Variants in NRG4 observed in about 807,000 individuals in gnomAD.
NRG4 encodes the protein pro-neuregulin-4, membrane-bound isoform.
In NRG4, 10 loss-of-function variants were observed where a neutral mutation model predicts 15.0. That is an observed-to-expected ratio of 0.67 (90% confidence interval 0.41 to 1.13). NRG4 has a LOEUF of 1.13. Among genes scored for constraint, NRG4 ranks in the 50% most tolerant of loss-of-function variants. The probability of loss-of-function intolerance (pLI) is 0.00; values close to 1 mark genes in which losing one functional copy is unlikely to be tolerated. For missense variants in NRG4, 139 were observed against 140.2 expected (o/e 0.99, Z 0.04); for synonymous variants, 41 against 50.1 (o/e 0.82, Z 0.77).
chr15:76,013,135 G>C (rs1487326173), upstream of NRG4, among the ~76,000 whole-genome samples: 1 of 152,146 alleles, frequency 6.6e-6, no homozygotes, highest in East Asian at 1.9e-4. Context: ...ATTATTACTT[G>C]ACTGATGTAA....
intron 3 of NRG4, among the ~76,000 whole-genome samples, chr15:75,999,607 C>T (rs1001373773): frequency 6.6e-6 from 1 of 152,132 alleles, no homozygotes; most frequent in Non-Finnish European, 1.5e-5. Context: ...TCCCAGCCTT[C>T]AGAACTGTCA....
At chr15:75,963,125 A>G (rs1359174335) in intron 3 of NRG4, among the ~76,000 whole-genome samples, 4 of 152,232 alleles carry the variant, frequency 2.6e-5, no homozygotes, top group African/African-American at 9.6e-5. Flanking sequence ...ATCAAGATAT[A>G]GCACAAAGGA....
At chr15:76,016,122 G>T (rs972104270), upstream of NRG4, among the ~76,000 whole-genome samples, 6 of 152,178 alleles carry the variant, frequency 3.9e-5, no homozygotes, top group African/African-American at 1.2e-4. Flanking sequence ...AGATTTTCTA[G>T]TTTATTTGCA....
chr15:76,001,368 A>T (rs145524982), intron 3 of NRG4, among the ~76,000 whole-genome samples: 1 of 152,204 alleles, frequency 6.6e-6, no homozygotes, highest in African/African-American at 2.4e-5. Context: ...TTTCACTTCA[A>T]TATATCCAAA....
At chr15:76,015,823 T>C (rs2034957770), upstream of NRG4, among the ~76,000 whole-genome samples, 2 of 152,252 alleles carry the variant, frequency 1.3e-5, no homozygotes, top group Admixed American at 6.5e-5. Context: ...TTGTTGTATC[T>C]CTGCCAGGCT....
intron 3 of NRG4, among the ~76,000 whole-genome samples, chr15:75,990,305 C>G: frequency 6.6e-6 from 1 of 152,146 alleles, no homozygotes; most frequent in East Asian, 1.9e-4. Context: ...CCTCCCTGAC[C>G]TCTGATCTCT....
intron 4 of NRG4, among the ~76,000 whole-genome samples, chr15:76,039,873 C>T (rs749299838): frequency 1.3e-4 from 20 of 152,084 alleles, no homozygotes; most frequent in Non-Finnish European, 2.9e-4. Flanking sequence ...CATGGCGAAA[C>T]CCTGTCCCAA....
chr15:75,974,842 T>C (rs2033291740), intron 3 of NRG4, among the ~76,000 whole-genome samples: 1 of 152,218 alleles, frequency 6.6e-6, no homozygotes, highest in African/African-American at 2.4e-5. Flanking sequence ...TGATTTGGGA[T>C]GAAGAGTTCT....
At chr15:76,004,896 C>G (rs1567105153) in intron 3 of NRG4, among the ~76,000 whole-genome samples, 1 of 152,076 alleles carries the variant, frequency 6.6e-6, no homozygotes, top group Non-Finnish European at 1.5e-5. Flanking sequence ...GGGCACCAAC[C>G]CCCATGCAGT....
At chr15:76,045,011 C>T (rs1170720541) in intron 4 of NRG4, among the ~76,000 whole-genome samples, 2 of 150,546 alleles carry the variant, frequency 1.3e-5, no homozygotes, top group Non-Finnish European at 2.9e-5. Flanking sequence ...AAACAACCCA[C>T]AGAATGGAGA....
intron 3 of NRG4, among the ~76,000 whole-genome samples, chr15:75,995,520 G>C (rs368929556): frequency 1.1e-3 from 169 of 151,862 alleles, no homozygotes; most frequent in African/African-American, 3.9e-3. Flanking sequence ...AGGCCCCCCC[G>C]CCCCAAACAC....
chr15:75,943,610 C>G lies in NRG4; in HGVS notation c.*28G>C, dbSNP rs754428134. 2.7e-6 allele frequency: 4 copies of G among 1,463,656 alleles called. No homozygotes were observed. The highest frequency in any genetic ancestry group is 3.8e-6 in the Non-Finnish European group (4 of 1,047,630). 90.7% of individuals were successfully genotyped at this position (1,463,656 alleles called of 1,614,324 possible). On this transcript the variant is annotated 3_prime_UTR_variant, in exon 6 of 6. Coordinates refer to ENST00000394907, the MANE Select transcript of NRG4 (RefSeq NM_138573.4). ...ATTTTCTGCCTTTGTAAAATAAAAA[C>G]AATGATTTGGTTCACTTTGACGTTT...
At chr15:76,056,504 TAAA>T (rs2036156055) in intron 2 of NRG4, among the ~76,000 whole-genome samples, 1 of 150,846 alleles carries the variant, frequency 6.6e-6, no homozygotes, top group East Asian at 2.0e-4. Flanking sequence ...AATTAAAAAA[TAAA>T]AAACGACTTA....
chr15:75,958,374 TC>T (rs2032350163), intron 4 of NRG4, among the ~76,000 whole-genome samples: 1 of 152,196 alleles, frequency 6.6e-6, no homozygotes, highest in Admixed American at 6.5e-5. Context: ...GTCTGATTCT[TC>T]CAATAAATAC....
At position 75,941,963 on chromosome 15, in the gene NRG4, A is replaced by AAAT. The variant is rs2031029651; in HGVS notation, c.*1674_*1675insATT. 1 of 132,388 alleles carries AAAT rather than the reference A, an allele frequency of 7.6e-6. No homozygotes were observed. Among genetic ancestry groups the AAAT allele is most frequent in the African/African-American group, 2.8e-5 (1 of 35,404 alleles). 8.2% of individuals were successfully genotyped at this position (132,388 alleles called of 1,614,324 possible). Reference sequence around the variant, plus strand: ...ACCAAAAAAAAAAAAAAAAAAAAATATGGCCTAGCTTTTTTTTTTTTTTTT... The same window carrying AAAT: ...ACCAAAAAAAAAAAAAAAAAAAAATAAATTGGCCTAGCTTTTTTTTTTTTTTTT... On this transcript the variant is annotated 3_prime_UTR_variant, in exon 6 of 6. Coordinates refer to ENST00000394907, the MANE Select transcript of NRG4 (RefSeq NM_138573.4).
rs549453269 is a variant in NRG4 at position 75,994,167 on chromosome 15, C to A, written c.104+15033G>T. On this transcript the variant is annotated intron_variant, in intron 3 of 5. Transcript: ENST00000394907. ...GTTTTATTAGGATAATTTGGCTTAACTGAAACTCTAAACTCTATCTCTCCT... is the reference window on the plus strand; with the variant it reads ...GTTTTATTAGGATAATTTGGCTTAAATGAAACTCTAAACTCTATCTCTCCT... Among the ~76,000 whole-genome samples the A allele has an allele frequency of 2.0e-5, 3 of 152,306 alleles. No individual in the cohort carries two copies. In the South Asian group the frequency reaches 6.2e-4, roughly 32 times the overall value.
downstream of NRG4, chr15:75,937,736 A>G (rs186781554): frequency 2.0e-5 from 3 of 152,234 alleles, no homozygotes; most frequent in South Asian, 6.2e-4. Flanking sequence ...AACATGCTAG[A>G]CCTTTTTTGC....
chr15:75,943,610 CAA>C lies in NRG4; in HGVS notation c.*26_*27del, dbSNP rs1567065795. On this transcript the variant is annotated 3_prime_UTR_variant, in exon 6 of 6. Transcript: ENST00000394907. ...ATTTTCTGCCTTTGTAAAATAAAAA[CAA>C]TGATTTGGTTCACTTTGACGTTTCT... The C allele has an allele frequency of 2.7e-6, 4 of 1,463,774 alleles. No individual in the cohort carries two copies. The highest frequency in any genetic ancestry group is 1.7e-5 in the Admixed American group (1 of 57,814). 90.7% of individuals were successfully genotyped at this position (1,463,774 alleles called of 1,614,324 possible).
At chr15:75,971,186 T>C (rs12912862) in intron 3 of NRG4, 1 of 452,792 alleles carries the variant, frequency 2.2e-6, no homozygotes, top group Non-Finnish European at 4.4e-6. Context: ...GTGTGTGGTT[T>C]GAATTCTCCT....
Sources: gnomAD v4.1 joint callset for allele counts (sites outside exome capture counted in the v4.1 genomes callset) on GRCh38, gnomAD v4.1.1 for gene constraint, MANE v1.5 for transcripts, NCBI Gene and HGNC (gene_info 2026-07-23, HGNC 2026-07-21) for gene names.